DLG2: variants seen among roughly 807,000 people sequenced by gnomAD.
The protein encoded by DLG2 is disks large homolog 2.
Under a neutral mutation model 132.5 loss-of-function variants are expected in DLG2, and 45 were observed. That is an observed-to-expected ratio of 0.34 (90% CI 0.27 to 0.44). The LOEUF is 0.44. DLG2 is among the 20% of genes least tolerant of loss of function. DLG2 has a pLI of 1.00. For synonymous variants in DLG2, 424 were observed against 419.6 expected (o/e 1.01, Z -0.13); for missense variants, 1,045 against 1,196.9 (o/e 0.87, Z 1.87).
chr11:85,075,331 C>T (rs1389710475), intron 6 of DLG2, among the ~76,000 whole-genome samples: 2 of 151,852 alleles, frequency 1.3e-5, no homozygotes, highest in Non-Finnish European at 2.9e-5. Context: ...GACTTACCTA[C>T]ATACTGAAGG....
rs562763158 is a variant in DLG2, at chr11:84,153,619, G to C, written c.624+9842C>G. ...CTTTCAGCTTGAGATTCTTTCCTCA[G>C]CTTGGTCTATTACATTGCTAATGCT... On this transcript the variant is annotated intron_variant, in intron 9 of 27. Coordinates refer to ENST00000376104, the MANE Select transcript of DLG2 (RefSeq NM_001142699.3). 5.9e-5 allele frequency among the ~76,000 whole-genome samples: 9 copies of C among 152,192 alleles called. No homozygotes were observed. The South Asian group carries it at 1.5e-3, about 25-fold the overall frequency.
chr11:85,163,224 G>C (rs12224745), intron 4 of DLG2, among the ~76,000 whole-genome samples: 6,366 of 135,164 alleles, frequency 0.047, 208 homozygotes, highest in African/African-American at 0.098. Flanking sequence ...CACACACACA[G>C]ACACACACAC....
At chr11:85,526,871 C>A (rs1242313940) in intron 3 of DLG2, among the ~76,000 whole-genome samples, 1 of 152,110 alleles carries the variant, frequency 6.6e-6, no homozygotes, top group African/African-American at 2.4e-5. Context: ...AAGGTCAAAA[C>A]ACAACATGTG....
At chr11:85,411,303 T>G (rs1000422094) in intron 3 of DLG2, among the ~76,000 whole-genome samples, 6 of 151,482 alleles carry the variant, frequency 4.0e-5, no homozygotes, top group Non-Finnish European at 8.9e-5. Context: ...AAAAGAAAGC[T>G]TGGAAATGAA....
chr11:85,382,703 G>A (rs143809022), intron 3 of DLG2, among the ~76,000 whole-genome samples: 23 of 152,148 alleles, frequency 1.5e-4, no homozygotes, highest in African/African-American at 4.8e-4. Context: ...ATTTGCCAGA[G>A]CAAATATACA....
At chr11:84,892,178 G>A (rs2089503272) in intron 6 of DLG2, among the ~76,000 whole-genome samples, 1 of 152,146 alleles carries the variant, frequency 6.6e-6, no homozygotes, top group South Asian at 2.1e-4. Flanking sequence ...TGTGACACAT[G>A]AAAGGCAACT....
chr11:84,590,314 A>C (rs1202819680), intron 6 of DLG2, among the ~76,000 whole-genome samples: 3 of 152,200 alleles, frequency 2.0e-5, no homozygotes, highest in African/African-American at 7.2e-5. Flanking sequence ...TTCTTCTCCA[A>C]AGTCTTAGGA....
At chr11:84,985,677 T>C (rs2056380541) in intron 6 of DLG2, among the ~76,000 whole-genome samples, 1 of 151,454 alleles carries the variant, frequency 6.6e-6, no homozygotes, top group Admixed American at 6.6e-5. Flanking sequence ...AAAAGATAAA[T>C]GAAACAAAAA....
intron 6 of DLG2, among the ~76,000 whole-genome samples, chr11:84,560,740 TG>T (rs2099426133): frequency 6.6e-6 from 1 of 152,030 alleles, no homozygotes; most frequent in African/African-American, 2.4e-5. Flanking sequence ...AATGGAGAGT[TG>T]AGGCAAGAAA....
intron 6 of DLG2, among the ~76,000 whole-genome samples, chr11:84,893,664 G>A (rs1018138261): frequency 3.9e-5 from 6 of 152,038 alleles, no homozygotes; most frequent in Non-Finnish European, 4.4e-5. Flanking sequence ...ATTCAGTGAC[G>A]GTTTGTTAGC....
intron 17 of DLG2, among the ~76,000 whole-genome samples, chr11:83,802,819 T>TATAGAGAATG (rs1304271381): frequency 6.6e-6 from 1 of 152,100 alleles, no homozygotes; most frequent in Non-Finnish European, 1.5e-5. Context: ...TGAATGATCT[T>TATAGAGAATG]ATAGAGAATG....
intron 6 of DLG2, among the ~76,000 whole-genome samples, chr11:84,585,280 A>G (rs939269129): frequency 1.3e-5 from 2 of 152,184 alleles, no homozygotes; most frequent in African/African-American, 4.8e-5. Context: ...TTTTTTAATA[A>G]TAAGGAAATT....
chr11:83,906,203 T>C (rs1169276549), intron 15 of DLG2, among the ~76,000 whole-genome samples: 1 of 150,232 alleles, frequency 6.7e-6, no homozygotes, highest in East Asian at 2.0e-4. Flanking sequence ...AGTTTCCAGC[T>C]TGCTAACTGG....
intron 6 of DLG2, among the ~76,000 whole-genome samples, chr11:85,104,398 A>G (rs542499586): frequency 6.6e-6 from 1 of 152,068 alleles, no homozygotes; most frequent in South Asian, 2.1e-4. Flanking sequence ...GAAATAATGG[A>G]TGGTACAACA....
chr11:84,282,795 T>A (rs574982150), intron 7 of DLG2, among the ~76,000 whole-genome samples: 1 of 152,190 alleles, frequency 6.6e-6, no homozygotes, highest in Admixed American at 6.5e-5. Flanking sequence ...AATTTAGCTG[T>A]AAGATCTTGG....
At position 83,456,819 on chromosome 11, in the gene DLG2, G is replaced by C. The variant is rs891963397; in HGVS notation, c.*2999C>G. 2 of 152,212 alleles carry C rather than the reference G, an allele frequency of 1.3e-5. No individual in the cohort carries two copies. The highest frequency in any genetic ancestry group is 2.9e-5 in the Non-Finnish European group (2 of 68,038). 9.4% of individuals were successfully genotyped at this position (152,212 alleles called of 1,614,324 possible). A position where few individuals can be genotyped will look rare whatever the true frequency, so the allele number is the denominator to read the frequency against. On this transcript the variant is annotated 3_prime_UTR_variant, in exon 28 of 28. Coordinates refer to ENST00000376104, the MANE Select transcript of DLG2 (RefSeq NM_001142699.3). ...TCTAAGACAGCGCACAGAGGCACCC[G>C]AGTGCAGCTTTGTGAAGACAGGCTC...
intron 3 of DLG2, among the ~76,000 whole-genome samples, chr11:85,316,709 T>C (rs1321446921): frequency 6.6e-6 from 1 of 151,946 alleles, no homozygotes; most frequent in African/African-American, 2.4e-5. Context: ...GGCTTCCCTA[T>C]TTTATTCACA....
At chr11:85,409,475 G>T (rs1404702324) in intron 3 of DLG2, among the ~76,000 whole-genome samples, 4 of 151,852 alleles carry the variant, frequency 2.6e-5, no homozygotes, top group African/African-American at 9.7e-5. Flanking sequence ...TTATGGTCAG[G>T]AGTATCATAT....
intron 7 of DLG2, among the ~76,000 whole-genome samples, chr11:84,495,967 G>A (rs867861248): frequency 1.3e-5 from 2 of 152,222 alleles, no homozygotes; most frequent in Non-Finnish European, 2.9e-5. Flanking sequence ...TCCAGAGCAG[G>A]GCTGAGTTTC....
Sources: gnomAD v4.1 joint callset for allele counts (sites outside exome capture counted in the v4.1 genomes callset) on GRCh38, gnomAD v4.1.1 for gene constraint, MANE v1.5 for transcripts, NCBI Gene and HGNC (gene_info 2026-07-23, HGNC 2026-07-21) for gene names.